SAFB: variants seen among roughly 807,000 people sequenced by gnomAD.
SAFB encodes scaffold attachment factor B.
In SAFB, 15 loss-of-function variants were observed where a neutral mutation model predicts 101.6. That is an observed-to-expected ratio of 0.15 (90% CI 0.10 to 0.23). The LOEUF (loss-of-function observed/expected upper bound fraction) is 0.23. SAFB is among the 10% of genes least tolerant of loss of function. The pLI is 1.00. For missense variants in SAFB, 930 were observed against 1,104.1 expected (o/e 0.84, Z 2.23); for synonymous variants, 449 against 407.5 (o/e 1.10, Z -1.23).
At chr19:5,663,008 A>T (rs1599385767) in intron 15 of SAFB, among the ~76,000 whole-genome samples, 1 of 149,124 alleles carries the variant, frequency 6.7e-6, no homozygotes, top group Admixed American at 6.7e-5. Context: ...AATTAAAAAA[A>T]AATTTTTTTT....
chr19:5,637,471 C>T (rs1389552331), intron 2 of SAFB, among the ~76,000 whole-genome samples: 1 of 151,640 alleles, frequency 6.6e-6, no homozygotes, highest in Non-Finnish European at 1.5e-5. Flanking sequence ...GCCTGGGCAA[C>T]ATAGTGAGAC....
At chr19:5,643,719 T>TGGGCA (rs2053768845) in intron 4 of SAFB, among the ~76,000 whole-genome samples, 1 of 152,066 alleles carries the variant, frequency 6.6e-6, no homozygotes, top group Non-Finnish European at 1.5e-5. Context: ...GTGGCTTGGC[T>TGGGCA]GGGCACAGTG....
intron 2 of SAFB, among the ~76,000 whole-genome samples, chr19:5,635,094 C>T (rs1414657030): frequency 2.0e-5 from 3 of 152,052 alleles, no homozygotes; most frequent in Admixed American, 6.6e-5. Flanking sequence ...GCCGAGATCA[C>T]GCCATTGCAC....
rs1455121009 is a variant in SAFB, at chr19:5,658,368, A to AT, written c.1862+1027dup. 3.3e-5 allele frequency among the ~76,000 whole-genome samples: 5 copies of AT among 152,232 alleles called. No homozygotes were observed. The East Asian group carries it at 9.7e-4, about 29-fold the overall frequency. ...GTTATTGGCGAATTACAGCTAATTT[A>AT]TTTTTTCTATGAAATACTTCGTTAA... On this transcript the variant is annotated intron_variant, in intron 14 of 20. Transcript: ENST00000588852.
At chr19:5,654,016 C>A in intron 11 of SAFB, 45 bp from the exon 12 acceptor site, 1 of 1,595,104 alleles carries the variant, frequency 6.3e-7, no homozygotes, top group Non-Finnish European at 8.6e-7. Context: ...GCTGGGAATA[C>A]AGGCATGAGC....
rs575634493 is a variant in SAFB at position 5,634,381 on chromosome 19, A to G, written c.275-7213A>G. 4.6e-5 allele frequency among the ~76,000 whole-genome samples: 7 copies of G among 152,230 alleles called. No homozygotes were observed. In the South Asian group the frequency reaches 1.5e-3, roughly 32 times the overall value. ...TCTAATTTTGATGATAGGATATTGC[A>G]AACAACAGAAAGTTTGAGGGTTTGT... On this transcript the variant is annotated intron_variant, in intron 2 of 20. Coordinates refer to ENST00000588852, the MANE Select transcript of SAFB (RefSeq NM_001201338.2).
chr19:5,623,957 C>T (rs1163063598), intron 1 of SAFB: 2 of 152,364 alleles, frequency 1.3e-5, no homozygotes, highest in African/African-American at 2.4e-5. Flanking sequence ...CCACCACAAT[C>T]CAGTTTTCAC....
chr19:5,645,419 A>C lies in SAFB; in HGVS notation c.609+20A>C, dbSNP rs780954790. On this transcript the variant is annotated intron_variant, in intron 5 of 20. Coordinates refer to ENST00000588852, the MANE Select transcript of SAFB (RefSeq NM_001201338.2). ...TTACAGGTAAACTGTTGTATGTCTC[A>C]GTACTTTTAGAATGAAAGGTCAGAC... 4.2e-6 allele frequency: 5 copies of C among 1,185,412 alleles called. No homozygotes were observed. The Admixed American group carries it at 7.0e-5, about 17-fold the overall frequency. The allele number at this position is 1,185,412 out of a possible 1,614,324, so 73.4% of individuals were successfully genotyped here.
chr19:5,653,179 C>T lies in SAFB; in HGVS notation c.1358C>T (p.Thr453Met), dbSNP rs920307707. 3.7e-6 allele frequency: 6 copies of T among 1,614,040 alleles called. No homozygotes were observed. Among genetic ancestry groups the T allele is most frequent in the Non-Finnish European group, 5.1e-6 (6 of 1,180,006 alleles). ...SPGARCYGFV[T>M]MSTAEEATKC... ...GGAGCTCGCTGTTACGGTTTTGTCACGATGTCCACAGCAGAAGAGGCCACA... is the reference window on the plus strand; with the variant it reads ...GGAGCTCGCTGTTACGGTTTTGTCATGATGTCCACAGCAGAAGAGGCCACA... The change falls in exon 10 of 21, where the codon ACG (threonine) becomes ATG (methionine). Residue 453 changes from threonine to methionine, a missense_variant. Physicochemically the swap from Thr to Met is moderately conservative, Grantham distance 81 (BLOSUM62 -1). This residue lies in a region of SAFB where 68 missense variants were observed against 122.1 expected (regional missense o/e 0.56). Coordinates refer to ENST00000588852, the MANE Select transcript of SAFB (RefSeq NM_001201338.2).
chr19:5,639,928 C>T (rs185354074), intron 2 of SAFB, among the ~76,000 whole-genome samples: 1 of 152,038 alleles, frequency 6.6e-6, no homozygotes, highest in South Asian at 2.1e-4. Context: ...ACCTCCACCC[C>T]CTGGGTTCAA....
At chr19:5,650,564 A>G (rs1338919405) in intron 8 of SAFB, among the ~76,000 whole-genome samples, 1 of 152,066 alleles carries the variant, frequency 6.6e-6, no homozygotes, top group African/African-American at 2.4e-5. Flanking sequence ...AGCGCCCGCC[A>G]CCACACCCAG....
rs1257619708 is a variant in SAFB at position 5,667,521 on chromosome 19, C to T, written c.2557+71C>T. 18 of 1,113,640 alleles carry T rather than the reference C, an allele frequency of 1.6e-5. No individual in the cohort carries two copies. Among genetic ancestry groups the T allele is most frequent in the Admixed American group, 2.8e-5 (1 of 35,690 alleles). The allele number at this position is 1,113,640 out of a possible 1,614,324, so 69.0% of individuals were successfully genotyped here. On this transcript the variant is annotated intron_variant, in intron 19 of 20. Coordinates refer to ENST00000588852, the MANE Select transcript of SAFB (RefSeq NM_001201338.2). This position sits in a 1 kb window ranked among gnomAD's most constrained non-coding sequence, Gnocchi z 4.0. ...TGGAAAGATGGAGGCCGCGCCTTCT[C>T]TCCTTGGGGGAGCACAGGAGGTGCT...
intron 13 of SAFB, 115 bp downstream of exon 13, chr19:5,654,571 G>A (rs537222428): frequency 5.4e-5 from 40 of 740,980 alleles, no homozygotes; most frequent in African/African-American, 1.1e-4. Context: ...CGGCCGTTTC[G>A]AAAATGTAGA....
rs750465825 is a variant in SAFB at position 5,626,455 on chromosome 19, G to C, written c.240G>C (p.Glu80Asp). The C allele has an allele frequency of 3.1e-6, 5 of 1,610,254 alleles. No homozygotes were observed. Among genetic ancestry groups the C allele is most frequent in the Non-Finnish European group, 8.5e-7 (1 of 1,176,536 alleles). Residue 80 changes from glutamate (E) to aspartate (D), a missense_variant, in exon 2 of 21, where the codon GAG becomes GAC. Physicochemically the swap from Glu to Asp is conservative, Grantham distance 45 (BLOSUM62 2). Transcript: ENST00000588852. ...GNPDEIEITSEGNKKTSKRSS... is the reference protein window; with the variant it reads ...GNPDEIEITSDGNKKTSKRSS... ...CTGACGAAATTGAAATTACCTCCGA[G>C]GGAAACAAGAAAACATCAAAGAGGT... is the stretch of plus-strand genomic sequence containing the variant.
intron 4 of SAFB, among the ~76,000 whole-genome samples, chr19:5,642,469 C>CA (rs11366187): frequency 0.056 from 7,736 of 139,150 alleles, 202 homozygotes; most frequent in Middle Eastern, 0.11. Context: ...AACAAACAAA[C>CA]AAAAAAAAAA....
intron 13 of SAFB, among the ~76,000 whole-genome samples, 191 bp downstream of exon 13, chr19:5,654,647 G>A (rs1044440723): frequency 3.9e-5 from 6 of 152,132 alleles, no homozygotes; most frequent in East Asian, 3.9e-4. Context: ...GCAGTGGTGC[G>A]ATCTTGGCTC....
rs796338709 is a variant in SAFB, at chr19:5,659,695, GA to G, written c.1863-1809del. 3.1e-3 allele frequency among the ~76,000 whole-genome samples: 394 copies of G among 126,622 alleles called. 3 individuals are homozygous for G. Among genetic ancestry groups the G allele is most frequent in the African/African-American group, 7.7e-3 (281 of 36,328 alleles). 83.1% of individuals were successfully genotyped at this position (126,622 alleles called of 152,430 possible). A position where few individuals can be genotyped will look rare whatever the true frequency, so the allele number is the denominator to read the frequency against. On this transcript the variant is annotated intron_variant, in intron 14 of 20. Coordinates refer to ENST00000588852, the MANE Select transcript of SAFB (RefSeq NM_001201338.2). ...TGCGCCCAGCCTATTCCTTTAAAAAGAAAAAAAAAAAAAACAAAGTCTCCCA... is the reference window on the plus strand; with the variant it reads ...TGCGCCCAGCCTATTCCTTTAAAAAGAAAAAAAAAAAAACAAAGTCTCCCA...
At chr19:5,635,852 T>G (rs1253183583) in intron 2 of SAFB, among the ~76,000 whole-genome samples, 1 of 152,106 alleles carries the variant, frequency 6.6e-6, no homozygotes, top group Non-Finnish European at 1.5e-5. Flanking sequence ...AAGGGGCACA[T>G]TGGCCTTGAT....
At chr19:5,632,103 G>A (rs947835024) in intron 2 of SAFB, among the ~76,000 whole-genome samples, 1 of 152,152 alleles carries the variant, frequency 6.6e-6, no homozygotes, top group African/African-American at 2.4e-5. Flanking sequence ...TCATCACAAA[G>A]TACAAATTAA....
Sources: gnomAD v4.1 joint callset for allele counts (sites outside exome capture counted in the v4.1 genomes callset) on GRCh38, gnomAD v4.1.1 for gene constraint, gnomAD v4.1.1 regional missense constraint, Gnocchi (gnomAD v3.1) non-coding constraint, MANE v1.5 for transcripts, NCBI Gene and HGNC (gene_info 2026-07-23, HGNC 2026-07-21) for gene names.